The following CAP2 variants were observed in gnomAD, a reference collection of about 807,000 sequenced individuals.
CAP2 encodes the protein cyclase associated actin cytoskeleton regulatory protein 2.
CAP2 carries 24 observed loss-of-function variants against 57.7 expected under a neutral mutation model. That is an observed-to-expected ratio of 0.42 (90% CI 0.30 to 0.58). The LOEUF (loss-of-function observed/expected upper bound fraction) is 0.58, where lower values mean the gene tolerates loss of function less well. Among genes scored for constraint, CAP2 ranks in the 20% least tolerant of loss-of-function variants. The pLI is 0.22. For missense variants in CAP2, 501 were observed against 590.3 expected, an observed-to-expected ratio of 0.85 and a Z score of 1.57; for synonymous variants, 194 against 207.2, an observed-to-expected ratio of 0.94 and a Z score of 0.55.
At chr6:17,404,741 A>G (rs1222229683) in intron 1 of CAP2, among the ~76,000 whole-genome samples, 1 of 150,596 alleles carries the variant, frequency 6.6e-6, no homozygotes, top group Non-Finnish European at 1.5e-5. Context: ...ACTGCACTCC[A>G]GCCTGGGTGA....
chr6:17,441,038 TCCCA>T (rs1316062853), intron 3 of CAP2, among the ~76,000 whole-genome samples: 5 of 151,708 alleles, frequency 3.3e-5, no homozygotes, highest in African/African-American at 9.8e-5. Flanking sequence ...CCATGGTGTC[TCCCA>T]TTTTTAAGCA....
rs9370987 is a variant in CAP2 at position 17,424,306 on chromosome 6, A to G, written c.122-2284A>G. ...TCCCAGCTACTCGGGAGGCTGAGGC[A>G]GGAAAATGGCGTGAACCCGGGAGGC... On this transcript the variant is annotated intron_variant, in intron 2 of 12. Coordinates refer to ENST00000229922, the MANE Select transcript of CAP2 (RefSeq NM_006366.3). Among the ~76,000 whole-genome samples the G allele has an allele frequency of 0.026, 3,931 of 152,272 alleles. 421 individuals carry two copies. The East Asian group carries it at 0.37, about 14-fold the overall frequency.
At chr6:17,469,009 C>A (rs925323750) in intron 4 of CAP2, among the ~76,000 whole-genome samples, 1 of 152,184 alleles carries the variant, frequency 6.6e-6, no homozygotes, top group Admixed American at 6.5e-5. Context: ...TTGACATGAA[C>A]AAGTGTTTTT....
At chr6:17,525,149 C>T (rs747051351) in intron 7 of CAP2, among the ~76,000 whole-genome samples, 18 of 152,056 alleles carry the variant, frequency 1.2e-4, no homozygotes, top group East Asian at 3.9e-4. Flanking sequence ...GTGATCCTCC[C>T]GCCTTGGCCT....
chr6:17,452,216 G>T (rs1040021479), intron 3 of CAP2, among the ~76,000 whole-genome samples: 2 of 152,152 alleles, frequency 1.3e-5, no homozygotes, highest in East Asian at 1.9e-4. Flanking sequence ...AGAAAAGCTG[G>T]CCCTTCTGTC....
At chr6:17,482,365 C>A (rs1050986867) in intron 4 of CAP2, among the ~76,000 whole-genome samples, 1 of 152,086 alleles carries the variant, frequency 6.6e-6, no homozygotes, top group South Asian at 2.1e-4. Flanking sequence ...AAAAATTAGC[C>A]GGGCATGGTG....
intron 11 of CAP2, among the ~76,000 whole-genome samples, chr6:17,544,570 C>T (rs924851427): frequency 3.1e-4 from 47 of 149,858 alleles, no homozygotes; most frequent in Non-Finnish European, 4.7e-4. Flanking sequence ...GACAGAGTCT[C>T]GCTCTGTGGC....
In CAP2 at chr6:17,410,775, G is replaced by C. The variant is rs1387355176; in HGVS notation, c.-1-10780G>C. Among the ~76,000 whole-genome samples the C allele has an allele frequency of 2.6e-5, 4 of 152,072 alleles. No homozygotes were observed. The East Asian group carries it at 7.7e-4, about 29-fold the overall frequency. On this transcript the variant is annotated intron_variant, in intron 1 of 12. Coordinates refer to ENST00000229922, the MANE Select transcript of CAP2 (RefSeq NM_006366.3). Reference sequence around the variant, plus strand: ...GGGGTTTCACTGTGTTAGCCAGGATGGTCTTGATCTCCTGACCTCGTGATC... The same window carrying C: ...GGGGTTTCACTGTGTTAGCCAGGATCGTCTTGATCTCCTGACCTCGTGATC...
At chr6:17,455,441 A>G (rs1760534260) in intron 3 of CAP2, among the ~76,000 whole-genome samples, 1 of 151,930 alleles carries the variant, frequency 6.6e-6, no homozygotes, top group African/African-American at 2.4e-5. Context: ...AACATGTAGA[A>G]CCCCAAATCA....
chr6:17,481,913 C>A (rs760101619), intron 4 of CAP2, among the ~76,000 whole-genome samples: 1 of 152,110 alleles, frequency 6.6e-6, no homozygotes, highest in Non-Finnish European at 1.5e-5. Context: ...TTTGCCTTGG[C>A]CTTTCTATTT....
intron 1 of CAP2, among the ~76,000 whole-genome samples, chr6:17,401,955 G>C (rs948144086): frequency 6.6e-6 from 1 of 152,166 alleles, no homozygotes; most frequent in East Asian, 1.9e-4. Flanking sequence ...TTTAAAAAGA[G>C]ACTTGTTAAT....
chr6:17,418,016 G>A (rs1300759811), intron 1 of CAP2, among the ~76,000 whole-genome samples: 2 of 152,090 alleles, frequency 1.3e-5, no homozygotes, highest in African/African-American at 2.4e-5. Context: ...TCAAAACTTG[G>A]CTAAATCCAC....
chr6:17,396,059 C>T (rs1367720111), intron 1 of CAP2, among the ~76,000 whole-genome samples: 1 of 152,146 alleles, frequency 6.6e-6, no homozygotes, highest in Non-Finnish European at 1.5e-5. Context: ...AGATACTCAA[C>T]ATCATTATTC....
intron 11 of CAP2, among the ~76,000 whole-genome samples, chr6:17,545,437 GA>G (rs1380135971): frequency 2.0e-5 from 3 of 151,758 alleles, no homozygotes; most frequent in Non-Finnish European, 4.4e-5. Flanking sequence ...TTTGGAGGGA[GA>G]AAAAAATCTT....
At chr6:17,554,821 T>G (rs145634479) in intron 12 of CAP2, among the ~76,000 whole-genome samples, 1 of 152,364 alleles carries the variant, frequency 6.6e-6, no homozygotes, top group East Asian at 1.9e-4. Flanking sequence ...TTCCTTGCCT[T>G]GGAGGAGGTC....
chr6:17,551,388 T>C lies in CAP2; in HGVS notation c.1210-76T>C, dbSNP rs1411483533. The C allele has an allele frequency of 6.6e-6, 8 of 1,210,272 alleles. No individual in the cohort carries two copies. The South Asian group carries it at 8.6e-5, about 13-fold the overall frequency. 75.0% of individuals were successfully genotyped at this position (1,210,272 alleles called of 1,614,324 possible). A position where few individuals can be genotyped will look rare whatever the true frequency, so the allele number is the denominator to read the frequency against. ...AAGCCCAAGCTAAAGCCAAGAGGAA[T>C]TGAGATTGTATTTATTCGAGGGCAT... On this transcript the variant is annotated intron_variant, in intron 11 of 12. Transcript: ENST00000229922.
chr6:17,541,734 C>T (rs1051668146), intron 9 of CAP2, among the ~76,000 whole-genome samples: 6 of 152,070 alleles, frequency 3.9e-5, no homozygotes, highest in African/African-American at 1.2e-4. Flanking sequence ...TTACCCTACT[C>T]TGCTGTCGAA....
At chr6:17,533,592 T>C (rs1156342437) in intron 7 of CAP2, among the ~76,000 whole-genome samples, 2 of 147,902 alleles carry the variant, frequency 1.4e-5, no homozygotes, top group African/African-American at 5.0e-5. Flanking sequence ...TTTTTTGAAA[T>C]GGAGTCTCCC....
chr6:17,424,397 G>A (rs1204950825), intron 2 of CAP2, among the ~76,000 whole-genome samples: 2 of 151,934 alleles, frequency 1.3e-5, no homozygotes, highest in Non-Finnish European at 2.9e-5. Context: ...GCAAGACTCC[G>A]TCTCAAAAAA....
Sources: allele counts gnomAD v4.1 joint callset (sites outside exome capture counted in the v4.1 genomes callset), GRCh38; gene constraint gnomAD v4.1.1; transcripts MANE v1.5; gene names NCBI Gene and HGNC (gene_info 2026-07-23, HGNC 2026-07-21).